The following TG variants were observed in gnomAD, a reference collection of about 807,000 sequenced individuals.
TG encodes thyroid hormones.
A neutral mutation model predicts 324.7 loss-of-function variants in TG; 270 were observed. That is an observed-to-expected ratio of 0.83 (90% CI 0.75 to 0.92). The LOEUF is 0.92. Ranked by LOEUF, TG falls within the 40% of genes least tolerant of loss-of-function variation. The probability of loss-of-function intolerance (pLI) is 0.00; values close to 1 mark genes in which losing one functional copy is unlikely to be tolerated. For synonymous variants in TG, 1,401 were observed against 1,327.0 expected, an observed-to-expected ratio of 1.06 and a Z score of -1.21; for missense variants, 3,591 against 3,456.4, an observed-to-expected ratio of 1.04 and a Z score of -0.98.
At chr8:133,002,582 CTTATA>C (rs1437733029) in intron 35 of TG, 62 of 277,594 alleles carry the variant, frequency 2.2e-4, no homozygotes, top group Middle Eastern at 1.8e-3. Flanking sequence ...AGTCTGATGT[CTTATA>C]TTTTATTTTA....
At chr8:132,943,404 C>T (rs1824747660) in intron 26 of TG, among the ~76,000 whole-genome samples, 1 of 152,128 alleles carries the variant, frequency 6.6e-6, no homozygotes, top group Admixed American at 6.5e-5. Context: ...ATGCCAGCAC[C>T]ATGTTTCTTG....
chr8:132,959,655 T>G (rs1237470787), intron 27 of TG, among the ~76,000 whole-genome samples: 1 of 152,148 alleles, frequency 6.6e-6, no homozygotes, highest in Non-Finnish European at 1.5e-5. Flanking sequence ...CTCCTTAGTG[T>G]GGTGATTAGG....
intron 30 of TG, among the ~76,000 whole-genome samples, chr8:132,967,229 TCCA>T (rs1461913041): frequency 1.3e-5 from 1 of 79,316 alleles, no homozygotes; most frequent in East Asian, 7.2e-4. Context: ...CATCCATCCA[TCCA>T]TCCATCCATC....
intron 40 of TG, among the ~76,000 whole-genome samples, chr8:133,026,320 G>A (rs1164549387): frequency 6.6e-6 from 1 of 152,248 alleles, no homozygotes; most frequent in Non-Finnish European, 1.5e-5. Flanking sequence ...AGAAGCTCGT[G>A]CCAGTCCTGA....
chr8:133,084,627 G>A (rs1391642826), intron 41 of TG, among the ~76,000 whole-genome samples: 1 of 152,234 alleles, frequency 6.6e-6, no homozygotes, highest in Non-Finnish European at 1.5e-5. Context: ...AAGGCATTTT[G>A]TCAAGTCTGT....
chr8:132,869,813 A>T lies in TG; in HGVS notation c.261A>T (p.Gly87=). 1.2e-6 allele frequency: 2 copies of T among 1,613,978 alleles called. No individual in the cohort carries two copies. The highest frequency in any genetic ancestry group is 1.1e-5 in the South Asian group (1 of 91,082). ...GSEVLGSRQP[G]RPVACLSFCQ... is the part of the protein sequence containing the mutation. The stretch of plus-strand genomic sequence containing the variant: ...AAGTGCTGGGCAGCAGGCAGCCAGG[A>T]CGGCCTGTGGCTTGTAAGTGGGAGT... Residue 87 remains glycine, a synonymous_variant, in exon 3 of 48, where the codon GGA becomes GGT. Transcript: ENST00000220616.
chr8:132,984,805 A>G (rs1260341805), intron 35 of TG, among the ~76,000 whole-genome samples: 1 of 151,980 alleles, frequency 6.6e-6, no homozygotes, highest in Non-Finnish European at 1.5e-5. Flanking sequence ...AGTCAGGCAT[A>G]GTAGCGTACA....
chr8:133,075,531 T>C (rs1844737913), intron 41 of TG, among the ~76,000 whole-genome samples: 1 of 152,252 alleles, frequency 6.6e-6, no homozygotes, highest in Non-Finnish European at 1.5e-5. Flanking sequence ...TGTTCCAGTC[T>C]TAAGTTTCTT....
intron 23 of TG, among the ~76,000 whole-genome samples, chr8:132,931,756 G>C (rs1405926956): frequency 6.6e-6 from 1 of 152,030 alleles, no homozygotes; most frequent in African/African-American, 2.4e-5. Flanking sequence ...TTCAGTTAAG[G>C]GGACAGGAGA....
intron 25 of TG, among the ~76,000 whole-genome samples, chr8:132,939,606 G>A (rs1472702930): frequency 6.6e-6 from 1 of 152,120 alleles, no homozygotes; most frequent in African/African-American, 2.4e-5. Context: ...CATCTGCTGA[G>A]CATAAGCTAA....
In TG at chr8:132,908,255, G is replaced by A; in HGVS notation, c.3917G>A (p.Cys1306Tyr). Residue 1306 changes from cysteine (C) to tyrosine (Y), a missense_variant, in exon 18 of 48, where the codon TGC (cysteine) becomes TAC (tyrosine). Transcript: ENST00000220616. ...CTCCAGCTCCCGCCGGGCAAGATGTGCAGTGCTGACTACGCGGATTTGCTG... is the reference window on the plus strand; with the variant it reads ...CTCCAGCTCCCGCCGGGCAAGATGTACAGTGCTGACTACGCGGATTTGCTG... ...FQLQLPPGKM[C>Y]SADYADLLQT... 1 of 1,613,988 alleles carries A rather than the reference G, an allele frequency of 6.2e-7. No homozygotes were observed. Among genetic ancestry groups the A allele is most frequent in the Non-Finnish European group, 8.5e-7 (1 of 1,179,994 alleles).
Position 132,971,308 on chromosome 8 carries a change from G to A in TG, c.5976-486G>A, listed in dbSNP as rs145696149. On this transcript the variant is annotated intron_variant, in intron 32 of 47. Transcript: ENST00000220616. Reference sequence around the variant, plus strand: ...CGTTGTACACTGAGTAAGAGGGGAAGTGAAGGGGAGCACAGGCTCGGCTCT... The same window carrying A: ...CGTTGTACACTGAGTAAGAGGGGAAATGAAGGGGAGCACAGGCTCGGCTCT... Among the ~76,000 whole-genome samples the A allele has an allele frequency of 3.4e-3, 518 of 152,312 alleles. 4 individuals are homozygous for A. Among genetic ancestry groups the A allele is most frequent in the African/African-American group, 0.012 (486 of 41,556 alleles).
chr8:132,962,108 G>A (rs1215082018), intron 28 of TG, among the ~76,000 whole-genome samples: 1 of 152,140 alleles, frequency 6.6e-6, no homozygotes. Context: ...GGGGGTGGTG[G>A]TGATGAAGTG....
chr8:133,006,279 A>T (rs1049279879), intron 35 of TG, among the ~76,000 whole-genome samples: 1 of 152,224 alleles, frequency 6.6e-6, no homozygotes, highest in African/African-American at 2.4e-5. Context: ...ACCAAAACCA[A>T]AAAGGATATC....
intron 17 of TG, among the ~76,000 whole-genome samples, chr8:132,907,587 A>G (rs1298241575): frequency 6.6e-6 from 1 of 152,056 alleles, no homozygotes; most frequent in Non-Finnish European, 1.5e-5. Context: ...TGTCAAGGAG[A>G]GCATTTGTTG....
At chr8:132,960,952 T>C in intron 27 of TG, 56 bp from the exon 28 acceptor site, 1 of 1,544,524 alleles carries the variant, frequency 6.5e-7, no homozygotes, top group Non-Finnish European at 9.0e-7. Flanking sequence ...GCAGTAATGG[T>C]GGGTACCCAG....
At chr8:133,114,701 T>G (rs1022497207) in intron 44 of TG, among the ~76,000 whole-genome samples, 1 of 152,178 alleles carries the variant, frequency 6.6e-6, no homozygotes, top group Non-Finnish European at 1.5e-5. Context: ...ATTCTGTGCC[T>G]CCTTTTCTCT....
At chr8:132,958,811 G>A (rs1827340340) in intron 27 of TG, among the ~76,000 whole-genome samples, 1 of 152,188 alleles carries the variant, frequency 6.6e-6, no homozygotes, top group African/African-American at 2.4e-5. Context: ...ATATCATGAG[G>A]AGAGAGTGAA....
chr8:132,944,162 C>T (rs904694622), intron 26 of TG, among the ~76,000 whole-genome samples: 5 of 152,222 alleles, frequency 3.3e-5, no homozygotes, highest in Non-Finnish European at 5.9e-5. Flanking sequence ...CCCCACAGCC[C>T]TCTTCCCTTC....
Sources: gnomAD v4.1 joint callset for allele counts (sites outside exome capture counted in the v4.1 genomes callset) on GRCh38, gnomAD v4.1.1 for gene constraint, MANE v1.5 for transcripts, NCBI Gene and HGNC (gene_info 2026-07-23, HGNC 2026-07-21) for gene names.